The following UCK2 variants were observed in gnomAD, a reference collection of about 807,000 sequenced individuals.
The protein encoded by UCK2 is uridine-cytidine kinase 2, also known as cytidine monophosphokinase 2.
A neutral mutation model predicts 30.8 loss-of-function variants in UCK2; 6 were observed. The observed-to-expected ratio is 0.19, with a 90% CI of 0.11 to 0.38. UCK2 has a LOEUF of 0.38. UCK2 is among the 10% of genes least tolerant of loss of function. The pLI, the probability that UCK2 is intolerant of heterozygous loss-of-function variation, is 1.00. For synonymous variants in UCK2, 125 were observed against 133.6 expected, an observed-to-expected ratio of 0.94 and a Z score of 0.45; for missense variants, 210 against 339.8, an observed-to-expected ratio of 0.62 and a Z score of 3.00.
chr1:165,828,744 G>C (rs1653963170), intron 1 of UCK2, among the ~76,000 whole-genome samples: 1 of 152,194 alleles, frequency 6.6e-6, no homozygotes, highest in Admixed American at 6.5e-5. Flanking sequence ...GGCAAGGAGA[G>C]ACAAGGGAAA....
chr1:165,870,667 T>A (rs1435365237), intron 1 of UCK2, among the ~76,000 whole-genome samples: 1 of 152,228 alleles, frequency 6.6e-6, no homozygotes, highest in African/African-American at 2.4e-5. Context: ...GTGTACTGTT[T>A]CCTAGAAATC....
intron 3 of UCK2, chr1:165,894,274 T>C (rs1338387204): frequency 2.6e-5 from 4 of 152,252 alleles, no homozygotes; most frequent in Non-Finnish European, 5.9e-5. Flanking sequence ...AAGTGGACTC[T>C]TGCACATACA....
intron 1 of UCK2, among the ~76,000 whole-genome samples, chr1:165,877,450 A>G (rs531020374): frequency 1.3e-5 from 2 of 152,192 alleles, no homozygotes; most frequent in South Asian, 2.1e-4. Flanking sequence ...CCGCCCCTCC[A>G]CTGCTCCCTG....
chr1:165,829,785 G>A (rs10800160), intron 1 of UCK2, among the ~76,000 whole-genome samples: 47,148 of 152,058 alleles, frequency 0.31, 7,462 homozygotes, highest in South Asian at 0.47. Context: ...CCAGGAGGAA[G>A]AGTGTAGAAA....
intron 1 of UCK2, among the ~76,000 whole-genome samples, chr1:165,868,702 T>C (rs1045895633): frequency 6.6e-6 from 1 of 152,272 alleles, no homozygotes; most frequent in Admixed American, 6.5e-5. Context: ...TTCAAGGGAA[T>C]GTTATGGCTG....
At chr1:165,850,517 G>T (rs1162731507) in intron 1 of UCK2, among the ~76,000 whole-genome samples, 7 of 152,092 alleles carry the variant, frequency 4.6e-5, no homozygotes, top group African/African-American at 1.7e-4. Flanking sequence ...ACAGCTGTCT[G>T]CAGCCTTGAA....
intron 1 of UCK2, among the ~76,000 whole-genome samples, chr1:165,889,786 A>AC (rs1233637158): frequency 6.7e-6 from 1 of 149,178 alleles, no homozygotes; most frequent in Non-Finnish European, 1.5e-5. Context: ...TTATTTCATC[A>AC]CCCAGGTATT....
intron 1 of UCK2, among the ~76,000 whole-genome samples, chr1:165,872,263 C>T (rs983737741): frequency 1.6e-4 from 25 of 151,966 alleles, no homozygotes; most frequent in South Asian, 2.1e-4. Flanking sequence ...TTAGTAGAGA[C>T]GGGGTTTTGC....
chr1:165,880,660 C>T (rs936239158), intron 1 of UCK2, among the ~76,000 whole-genome samples: 2 of 150,848 alleles, frequency 1.3e-5, no homozygotes, highest in Non-Finnish European at 2.9e-5. Flanking sequence ...AAAGTAGGAT[C>T]CATAGACTCC....
At chr1:165,859,305 C>T (rs1654829477) in intron 1 of UCK2, among the ~76,000 whole-genome samples, 1 of 152,118 alleles carries the variant, frequency 6.6e-6, no homozygotes, top group African/African-American at 2.4e-5. Context: ...TTCCTGCGCC[C>T]CGCCCCTCCA....
chr1:165,906,114 C>G, intron 6 of UCK2, 145 bp downstream of exon 6: 2 of 751,986 alleles, frequency 2.7e-6, no homozygotes. Context: ...AACCTTTCCA[C>G]CTACACGTCT....
intron 1 of UCK2, among the ~76,000 whole-genome samples, chr1:165,835,088 A>G (rs958754692): frequency 6.6e-6 from 1 of 152,124 alleles, no homozygotes; most frequent in Admixed American, 6.5e-5. Context: ...CCTGTCCTCT[A>G]GAAGTCCAAA....
intron 2 of UCK2, chr1:165,890,804 A>G: frequency 3.8e-6 from 1 of 264,062 alleles, no homozygotes; most frequent in Non-Finnish European, 7.3e-6. Flanking sequence ...GCCCTAGATC[A>G]GCACACTGCT....
rs1010032357 is a variant in UCK2, at chr1:165,844,807, A to G, written c.99+16875A>G. ...TTTGAATGAGCATCCAGATAGCAGA[A>G]CAGGTGGGGGTTCCTGGAGGGTGAC... On this transcript the variant is annotated intron_variant, in intron 1 of 6. Coordinates refer to ENST00000367879, the MANE Select transcript of UCK2 (RefSeq NM_012474.5). Among the ~76,000 whole-genome samples, 3 of 152,312 alleles carry G rather than the reference A, an allele frequency of 2.0e-5. No homozygotes were observed. The East Asian group carries it at 5.8e-4, about 29-fold the overall frequency.
Position 165,910,069 on chromosome 1 carries a change from A to G in UCK2, c.*2246A>G, listed in dbSNP as rs1035013763. ...GCCCACTCCTAGCTTGGAAACAGCT[A>G]TAAGGGCTGCCCTGCCCCTTGTCAA... On this transcript the variant is annotated 3_prime_UTR_variant, in exon 7 of 7. Transcript: ENST00000367879. The G allele has an allele frequency of 2.0e-5, 3 of 152,276 alleles. No individual in the cohort carries two copies. Among genetic ancestry groups the G allele is most frequent in the Admixed American group, 6.5e-5 (1 of 15,282 alleles). 9.4% of individuals were successfully genotyped at this position (152,276 alleles called of 1,614,324 possible).
At chr1:165,858,205 C>T (rs1654801596) in intron 1 of UCK2, among the ~76,000 whole-genome samples, 1 of 152,144 alleles carries the variant, frequency 6.6e-6, no homozygotes, top group Non-Finnish European at 1.5e-5. Context: ...GCACTTTTAT[C>T]CCGAGGTGTG....
intron 4 of UCK2, chr1:165,897,830 G>A (rs1253756442): frequency 6.6e-6 from 1 of 152,194 alleles, no homozygotes; most frequent in Non-Finnish European, 1.5e-5. Flanking sequence ...GGTGGGGTGA[G>A]GGACAGTTAG....
intron 5 of UCK2, among the ~76,000 whole-genome samples, chr1:165,903,725 C>T (rs932736437): frequency 6.6e-6 from 1 of 152,214 alleles, no homozygotes; most frequent in African/African-American, 2.4e-5. Context: ...CACCACTGAG[C>T]CCTGCTTTGA....
rs1647648934 is a variant in UCK2 at position 165,906,065 on chromosome 1, A to G, written c.646+96A>G. Reference sequence around the variant, plus strand: ...GTGGTGACCCTACAGGGCTCTGCAGACATGGCTGCCCTGCTTGTCTGTGAT... The same window carrying G: ...GTGGTGACCCTACAGGGCTCTGCAGGCATGGCTGCCCTGCTTGTCTGTGAT... On this transcript the variant is annotated intron_variant, in intron 6 of 6. Transcript: ENST00000367879. 7 of 1,177,332 alleles carry G rather than the reference A, an allele frequency of 5.9e-6. No individual in the cohort carries two copies. In the South Asian group the frequency reaches 6.3e-5, roughly 11 times the overall value. 72.9% of individuals were successfully genotyped at this position (1,177,332 alleles called of 1,614,324 possible).
Sources: allele counts gnomAD v4.1 joint callset (sites outside exome capture counted in the v4.1 genomes callset), GRCh38; gene constraint gnomAD v4.1.1; transcripts MANE v1.5; gene names NCBI Gene and HGNC (gene_info 2026-07-23, HGNC 2026-07-21).